Variants in HMGN2 observed in about 807,000 individuals in gnomAD.
HMGN2 encodes the protein non-histone chromosomal protein HMG-17.
In HMGN2, 2 loss-of-function variants were observed where a neutral mutation model predicts 16.9. The observed-to-expected ratio is 0.12, with a 90% CI of 0.05 to 0.37. The LOEUF is 0.37. Ranked by LOEUF, HMGN2 falls within the 10% of genes least tolerant of loss-of-function variation. The probability of loss-of-function intolerance (pLI) is 1.00; values close to 1 mark genes in which losing one functional copy is unlikely to be tolerated. For missense variants in HMGN2, 90 were observed against 106.0 expected (o/e 0.85, Z 0.66); for synonymous variants, 31 against 34.9 (o/e 0.89, Z 0.39).
Position 26,476,266 on chromosome 1 carries a change from C to A in HMGN2, c.*1118C>A, listed in dbSNP as rs2075608523. ...CCGAATACATGAAGTGTATTAAATGCAGATTTTTGGTAGATCTGCGGTTTT... is the reference window on the plus strand; with the variant it reads ...CCGAATACATGAAGTGTATTAAATGAAGATTTTTGGTAGATCTGCGGTTTT... On this transcript the variant is annotated 3_prime_UTR_variant, in exon 6 of 6. Transcript: ENST00000361427. 6.6e-6 allele frequency among the ~76,000 whole-genome samples: 1 copy of A among 152,186 alleles called. No individual in the cohort carries two copies. Among genetic ancestry groups the A allele is most frequent in the African/African-American group, 2.4e-5 (1 of 41,448 alleles).
chr1:26,472,743 C>G, intron 1 of HMGN2, 116 bp downstream of exon 1: 1 of 939,578 alleles, frequency 1.1e-6, no homozygotes. Flanking sequence ...AGCCTCCCCG[C>G]GCGGGGGCTG....
chr1:26,475,076 A>T, intron 5 of HMGN2, 37 bp from the exon 6 acceptor site: 1 of 1,578,164 alleles, frequency 6.3e-7, no homozygotes, highest in Non-Finnish European at 8.7e-7. Flanking sequence ...TAGTTTTGAA[A>T]TCTACGCATT....
intron 3 of HMGN2, 128 bp from the exon 4 acceptor site, chr1:26,473,957 C>G (rs1333946131): frequency 1.2e-6 from 1 of 850,052 alleles, no homozygotes; most frequent in Admixed American, 2.7e-5. Context: ...TAGAAGAAAG[C>G]CAACCACAAA....
At chr1:26,473,152 G>A (rs568911942) in intron 1 of HMGN2, 2 of 320,436 alleles carry the variant, frequency 6.2e-6, no homozygotes, top group South Asian at 3.7e-5. Flanking sequence ...TCCCTCTCCC[G>A]CCCTCGACGG....
intron 1 of HMGN2, 77 bp from the exon 2 acceptor site, chr1:26,473,406 T>C: frequency 9.5e-7 from 1 of 1,054,056 alleles, no homozygotes; most frequent in Non-Finnish European, 1.5e-6. Context: ...TTAATTTTCA[T>C]TTTTAGCACT....
chr1:26,474,774 C>G (rs1570379324), intron 5 of HMGN2, 107 bp downstream of exon 5: 3 of 684,558 alleles, frequency 4.4e-6, no homozygotes, highest in East Asian at 5.4e-5. Context: ...ACCATTTGGT[C>G]CAGTGTGCTT....
At chr1:26,472,955 G>C (rs1037465211) in intron 1 of HMGN2, among the ~76,000 whole-genome samples, 1 of 151,934 alleles carries the variant, frequency 6.6e-6, no homozygotes, top group African/African-American at 2.4e-5. Context: ...CTGCGGGCGG[G>C]CAATTCAAAC....
rs1570379474 is a variant in HMGN2 at position 26,475,032 on chromosome 1, C to G, written c.238-81C>G. The G allele has an allele frequency of 5.1e-6, 6 of 1,172,612 alleles. No individual in the cohort carries two copies. The African/African-American group carries it at 7.6e-5, about 15-fold the overall frequency. 72.6% of individuals were successfully genotyped at this position (1,172,612 alleles called of 1,614,324 possible). A position where few individuals can be genotyped will look rare whatever the true frequency, so the allele number is the denominator to read the frequency against. On this transcript the variant is annotated intron_variant, in intron 5 of 5. Transcript: ENST00000361427. ...TGAAACCTGAACTTTGGCCTGGGAG[C>G]AAAGTGATGCTGTAGGTGGAATGTG...
intron 5 of HMGN2, 191 bp from the exon 6 acceptor site, chr1:26,474,922 A>G (rs140297675): frequency 3.9e-4 from 238 of 614,060 alleles, no homozygotes; most frequent in African/African-American, 3.3e-3. Context: ...TCCTACCTCA[A>G]TTTTACAGTG....
intron 4 of HMGN2, 80 bp downstream of exon 4, chr1:26,474,215 G>A: frequency 9.7e-7 from 1 of 1,026,818 alleles, no homozygotes; most frequent in Non-Finnish European, 1.5e-6. Flanking sequence ...GCATAATGGT[G>A]CCTCCATTAA....
At position 26,476,569 on chromosome 1, in the gene HMGN2, A is replaced by G. The variant is rs2075610175; in HGVS notation, c.*1421A>G. ...AGAATATGGAACTGGTAACAAATTCATGTTTGCACCTTGAATTTGCTTTCA... is the reference window on the plus strand; with the variant it reads ...AGAATATGGAACTGGTAACAAATTCGTGTTTGCACCTTGAATTTGCTTTCA... On this transcript the variant is annotated 3_prime_UTR_variant, in exon 6 of 6. Coordinates refer to ENST00000361427, the MANE Select transcript of HMGN2 (RefSeq NM_005517.4). Among the ~76,000 whole-genome samples the G allele has an allele frequency of 6.6e-6, 1 of 152,248 alleles. No homozygotes were observed. The highest frequency in any genetic ancestry group is 6.5e-5 in the Admixed American group (1 of 15,286).
At chr1:26,472,847 A>C (rs1372951840) in intron 1 of HMGN2, among the ~76,000 whole-genome samples, 2 of 151,472 alleles carry the variant, frequency 1.3e-5, no homozygotes, top group Non-Finnish European at 3.0e-5. Flanking sequence ...CCGCGGCGGG[A>C]GGAGCCATGT....
chr1:26,473,825 C>A, intron 3 of HMGN2, 93 bp downstream of exon 3: 1 of 1,319,944 alleles, frequency 7.6e-7, no homozygotes, highest in Non-Finnish European at 1.1e-6. Context: ...ATGGTTAGTG[C>A]CTGGTTTTGA....
intron 4 of HMGN2, 104 bp downstream of exon 4, chr1:26,474,239 CTG>C (rs1427524565): frequency 2.0e-5 from 16 of 807,658 alleles, no homozygotes; most frequent in East Asian, 1.0e-4. Flanking sequence ...AGGTTATAAA[CTG>C]TGTGGATAGC....
intron 2 of HMGN2, 24 bp from the exon 3 acceptor site, chr1:26,473,679 T>C (rs2075590547): frequency 1.2e-6 from 2 of 1,613,550 alleles, no homozygotes; most frequent in Non-Finnish European, 1.7e-6. Context: ...GTCCTATTTC[T>C]AACTTTCTCG....
intron 1 of HMGN2, chr1:26,473,150 C>A: frequency 3.0e-6 from 1 of 329,404 alleles, no homozygotes; most frequent in Non-Finnish European, 5.6e-6. Flanking sequence ...CCTCCCTCTC[C>A]CGCCCTCGAC....
At position 26,473,717 on chromosome 1, in the gene HMGN2, C is replaced by G; in HGVS notation, c.75C>G (p.Ser25=). 1 of 1,613,974 alleles carries G rather than the reference C, an allele frequency of 6.2e-7. No homozygotes were observed. Among genetic ancestry groups the G allele is most frequent in the East Asian group, 2.2e-5 (1 of 44,878 alleles). ...AKVKDEPQRR[S]ARLSAKPAPP... ...GTCTTTAATAGCCACAGAGAAGATC[C>G]GCGAGGTTGTCTGCTGTAAGTGTAT... The change falls in exon 3 of 6, where the codon TCC becomes TCG. Residue 25 remains serine, a synonymous_variant. Transcript: ENST00000361427.
chr1:26,472,587 G>C lies in HMGN2; in HGVS notation c.-26G>C. On this transcript the variant is annotated 5_prime_UTR_variant, in exon 1 of 6. Transcript: ENST00000361427. Reference sequence around the variant, plus strand: ...GCTGCATCCCGCGTCCAGCACCTACGTCCCGCTGCCGTCGCCGCCGCCACC... The same window carrying C: ...GCTGCATCCCGCGTCCAGCACCTACCTCCCGCTGCCGTCGCCGCCGCCACC... 4 of 1,535,530 alleles carry C rather than the reference G, an allele frequency of 2.6e-6. No homozygotes were observed. Among genetic ancestry groups the C allele is most frequent in the Non-Finnish European group, 3.5e-6 (4 of 1,148,054 alleles).
chr1:26,473,920 G>C, intron 3 of HMGN2, 165 bp from the exon 4 acceptor site: 1 of 792,086 alleles, frequency 1.3e-6, no homozygotes, highest in Admixed American at 2.8e-5. Context: ...TGGGACATTT[G>C]AGTGGGCTTC....
Sources: gnomAD v4.1 joint callset for allele counts (sites outside exome capture counted in the v4.1 genomes callset) on GRCh38, gnomAD v4.1.1 for gene constraint, MANE v1.5 for transcripts, NCBI Gene and HGNC (gene_info 2026-07-23, HGNC 2026-07-21) for gene names.